NAB1: variants seen among roughly 807,000 people sequenced by gnomAD.
NAB1 encodes NGFI-A-binding protein 1.
In NAB1, 25 loss-of-function variants were observed where a neutral mutation model predicts 49.9. The ratio of observed to expected loss-of-function variants is 0.50; its 90% CI spans 0.37 to 0.70. The LOEUF (loss-of-function observed/expected upper bound fraction) is 0.70, where lower values mean the gene tolerates loss of function less well. Among genes scored for constraint, NAB1 ranks in the 30% least tolerant of loss-of-function variants. NAB1 has a pLI of 0.00. For synonymous variants in NAB1, 198 were observed against 215.6 expected, an observed-to-expected ratio of 0.92 and a Z score of 0.71; for missense variants, 489 against 575.9, an observed-to-expected ratio of 0.85 and a Z score of 1.54.
chr2:190,670,265 C>T lies in NAB1; in HGVS notation c.820-61C>T. ...AACATTCTTATATTTTAAGTGAAAC[C>T]TTTTGCATTTTGATGAAATTAAAAT... On this transcript the variant is annotated intron_variant, in intron 4 of 9. Transcript: ENST00000337386. The surrounding 1 kb of genome is among the most constrained non-coding windows in gnomAD (Gnocchi z 5.3). The T allele has an allele frequency of 2.0e-6, 3 of 1,468,780 alleles. No homozygotes were observed. The highest frequency in any genetic ancestry group is 1.3e-5 in the South Asian group (1 of 78,386). The allele number at this position is 1,468,780 out of a possible 1,614,324, so 91.0% of individuals were successfully genotyped here. A position where few individuals can be genotyped will look rare whatever the true frequency, so the allele number is the denominator to read the frequency against.
Position 190,659,408 on chromosome 2 carries a change from A to G in NAB1, c.232A>G (p.Asn78Asp), listed in dbSNP as rs750043668. 6.2e-7 allele frequency: 1 copy of G among 1,614,148 alleles called. No homozygotes were observed. The highest frequency in any genetic ancestry group is 2.2e-5 in the East Asian group (1 of 44,874). The part of the protein sequence containing the change: ...LQKALRDWVT[N>D]PGLFNQPLTS... ...GAAGGCTTTGAGAGACTGGGTCACAAACCCTGGGCTTTTCAATCAGCCACT... is the reference window on the plus strand; with the variant it reads ...GAAGGCTTTGAGAGACTGGGTCACAGACCCTGGGCTTTTCAATCAGCCACT... The change falls in exon 4 of 10, where the codon AAC becomes GAC. Residue 78 changes from asparagine (N) to aspartate (D), a missense_variant. By Grantham distance (23) the Asn-to-Asp change is conservative. Around this residue, in one of 4 missense-constraint regions of NAB1, gnomAD observed 204 missense variants for 220.9 expected, o/e 0.92. Transcript: ENST00000337386. This position sits in a 1 kb window ranked among gnomAD's most constrained non-coding sequence, Gnocchi z 6.2.
chr2:190,688,655 G>A (rs962517219), intron 9 of NAB1, among the ~76,000 whole-genome samples: 2 of 152,108 alleles, frequency 1.3e-5, no homozygotes, highest in African/African-American at 2.4e-5. Context: ...TCATCATGGG[G>A]CATATTTACA....
rs1694744030 is a variant in NAB1 at position 190,670,416 on chromosome 2, A to T, written c.910A>T (p.Ile304Phe). ...RDELFALARQ[I>F]SREVTYKYTY... Reference sequence around the variant, plus strand: ...TGAGCTTTTTGCCTTGGCTCGACAGATTTCTCGAGAAGTCACCTATAAATA... The same window carrying T: ...TGAGCTTTTTGCCTTGGCTCGACAGTTTTCTCGAGAAGTCACCTATAAATA... The change falls in exon 5 of 10, where the codon ATT becomes TTT. Residue 304 changes from isoleucine (I) to phenylalanine (F), a missense_variant. This residue lies in a region of NAB1 where 38 missense variants were observed against 70.1 expected (regional missense o/e 0.54). Coordinates refer to ENST00000337386, the MANE Select transcript of NAB1 (RefSeq NM_005966.4). The surrounding 1 kb of genome is among the most constrained non-coding windows in gnomAD (Gnocchi z 5.3). The T allele has an allele frequency of 6.2e-7, 1 of 1,613,918 alleles. No individual in the cohort carries two copies. The highest frequency in any genetic ancestry group is 1.3e-5 in the African/African-American group (1 of 74,906).
At chr2:190,661,978 G>A (rs935355523) in intron 4 of NAB1, among the ~76,000 whole-genome samples, 5 of 152,168 alleles carry the variant, frequency 3.3e-5, no homozygotes, top group Non-Finnish European at 7.3e-5. Context: ...GGTATTATGA[G>A]AATTTTGTAT....
Position 190,659,245 on chromosome 2 carries a change from A to G in NAB1, c.69A>G (p.Leu23=). The G allele has an allele frequency of 3.7e-6, 6 of 1,613,564 alleles. No individual in the cohort carries two copies. The highest frequency in any genetic ancestry group is 5.1e-6 in the Non-Finnish European group (6 of 1,179,954). Residue 23 remains leucine, a synonymous_variant, in exon 4 of 10, where the codon CTA becomes CTG. Coordinates refer to ENST00000337386, the MANE Select transcript of NAB1 (RefSeq NM_005966.4). The surrounding 1 kb of genome is among the most constrained non-coding windows in gnomAD (Gnocchi z 6.2). ...ATAGAATATTACAAAAAGCCAATCTACTTTCTTATTTTGATGCCTTTATCC... is the reference window on the plus strand; with the variant it reads ...ATAGAATATTACAAAAAGCCAATCTGCTTTCTTATTTTGATGCCTTTATCC... ...QLYRILQKAN[L]LSYFDAFIQQ...
Position 190,676,118 on chromosome 2 carries a change from G to C in NAB1, c.1005+2966G>C, listed in dbSNP as rs531319331. On this transcript the variant is annotated intron_variant, in intron 6 of 9. Transcript: ENST00000337386. The surrounding 1 kb of genome is among the most constrained non-coding windows in gnomAD (Gnocchi z 4.6). ...GGGAGAGGGAGAATTTCTGGTATGA[G>C]AAGAGATCAGGGGAGACTATTGGGA... Among the ~76,000 whole-genome samples the C allele has an allele frequency of 3.9e-5, 6 of 152,236 alleles. No homozygotes were observed. In the South Asian group the frequency reaches 1.2e-3, roughly 32 times the overall value.
Position 190,665,215 on chromosome 2 carries a change from C to T in NAB1, c.820-5111C>T, listed in dbSNP as rs1024928417. Among the ~76,000 whole-genome samples the T allele has an allele frequency of 2.0e-5, 3 of 151,624 alleles. 1 individual carries two copies. The highest frequency in any genetic ancestry group is 6.6e-5 in the Admixed American group (1 of 15,226). On this transcript the variant is annotated intron_variant, in intron 4 of 9. Transcript: ENST00000337386. ...GCGGGCACCTGTAGTCCTAGCTACT[C>T]GGGAGGCTGAGGCAGGAGAATGGCG...
chr2:190,652,145 T>A lies in NAB1; in HGVS notation c.-197+2163T>A, dbSNP rs1693700784. Among the ~76,000 whole-genome samples the A allele has an allele frequency of 6.6e-6, 1 of 152,212 alleles. No individual in the cohort carries two copies. The highest frequency in any genetic ancestry group is 1.5e-5 in the Non-Finnish European group (1 of 68,046). On this transcript the variant is annotated intron_variant, in intron 2 of 9. Coordinates refer to ENST00000337386, the MANE Select transcript of NAB1 (RefSeq NM_005966.4). This position sits in a 1 kb window ranked among gnomAD's most constrained non-coding sequence, Gnocchi z 4.2. ...TTGACAAGTTGATGCTTGGAAAAAA[T>A]AGTAATCCTCATCTTGTGAGAATTC... is the stretch of plus-strand genomic sequence containing the variant.
chr2:190,659,867 ATGAT>A lies in NAB1; in HGVS notation c.694_697del (p.Ile232ValfsTer6). The stretch of plus-strand genomic sequence containing the variant: ...AAAAACCAACAAGAAGTTGGCCAAA[ATGAT>A]TGGTCACATCTTTGAGATGAACGAT... On this transcript the variant is annotated frameshift_variant, in exon 4 of 10. Coordinates refer to ENST00000337386, the MANE Select transcript of NAB1 (RefSeq NM_005966.4). LOFTEE classifies it high-confidence loss of function. The surrounding 1 kb of genome is among the most constrained non-coding windows in gnomAD (Gnocchi z 6.2). The A allele has an allele frequency of 6.2e-7, 1 of 1,614,228 alleles. No individual in the cohort carries two copies.
intron 2 of NAB1, among the ~76,000 whole-genome samples, chr2:190,650,943 C>T (rs1559220346): frequency 6.6e-6 from 1 of 152,116 alleles, no homozygotes; most frequent in African/African-American, 2.4e-5. Flanking sequence ...CAAGGAACTT[C>T]TGGAAGAAGC....
At position 190,667,285 on chromosome 2, in the gene NAB1, A is replaced by G. The variant is rs1198824402; in HGVS notation, c.820-3041A>G. ...GAAAAGTTATTTTCTGTGTTTGTGC[A>G]TAAGCTAGTACCTCTGAAATGTTGT... On this transcript the variant is annotated intron_variant, in intron 4 of 9. Coordinates refer to ENST00000337386, the MANE Select transcript of NAB1 (RefSeq NM_005966.4). This position sits in a 1 kb window ranked among gnomAD's most constrained non-coding sequence, Gnocchi z 4.4. Among the ~76,000 whole-genome samples, 1 of 152,224 alleles carries G rather than the reference A, an allele frequency of 6.6e-6. No individual in the cohort carries two copies. The highest frequency in any genetic ancestry group is 1.5e-5 in the Non-Finnish European group (1 of 68,042).
In NAB1 at chr2:190,676,785, C is replaced by T. The variant is rs75003780; in HGVS notation, c.1005+3633C>T. ...AATTACAAGGCCCAAACTAATGAGACAAGTTTTTCTCTTTTTTCAAATCTT... is the reference window on the plus strand; with the variant it reads ...AATTACAAGGCCCAAACTAATGAGATAAGTTTTTCTCTTTTTTCAAATCTT... On this transcript the variant is annotated intron_variant, in intron 6 of 9. Coordinates refer to ENST00000337386, the MANE Select transcript of NAB1 (RefSeq NM_005966.4). This position sits in a 1 kb window ranked among gnomAD's most constrained non-coding sequence, Gnocchi z 4.6. Among the ~76,000 whole-genome samples the T allele has an allele frequency of 0.1, 15,964 of 152,198 alleles. 1,534 individuals carry two copies. The highest frequency in any genetic ancestry group is 0.25 in the African/African-American group (10,262 of 41,466).
rs1470851343 is a variant in NAB1 at position 190,669,767 on chromosome 2, GGTAGAATTA to G, written c.820-557_820-549del. ...AATAATTACTGAATTATGAAAGGGT[GGTAGAATTA>G]GATGGATCTTAGAGATTAGTCCAAC... is the stretch of plus-strand genomic sequence containing the variant. On this transcript the variant is annotated intron_variant, in intron 4 of 9. Coordinates refer to ENST00000337386, the MANE Select transcript of NAB1 (RefSeq NM_005966.4). The surrounding 1 kb of genome is among the most constrained non-coding windows in gnomAD (Gnocchi z 4.3). Among the ~76,000 whole-genome samples, 1 of 152,156 alleles carries G rather than the reference GGTAGAATTA, an allele frequency of 6.6e-6. No individual in the cohort carries two copies. Among genetic ancestry groups the G allele is most frequent in the Non-Finnish European group, 1.5e-5 (1 of 68,024 alleles).
chr2:190,652,457 A>G lies in NAB1; in HGVS notation c.-197+2475A>G, dbSNP rs1693716965. 1.3e-5 allele frequency among the ~76,000 whole-genome samples: 2 copies of G among 152,218 alleles called. No individual in the cohort carries two copies. Among genetic ancestry groups the G allele is most frequent in the Admixed American group, 1.3e-4 (2 of 15,286 alleles). On this transcript the variant is annotated intron_variant, in intron 2 of 9. Coordinates refer to ENST00000337386, the MANE Select transcript of NAB1 (RefSeq NM_005966.4). The surrounding 1 kb of genome is among the most constrained non-coding windows in gnomAD (Gnocchi z 4.2). The stretch of plus-strand genomic sequence containing the variant: ...ACTATAGTTAAATGAATAAATACAT[A>G]GTTATCATTTAGCAAAATCTGGTTT...
chr2:190,690,496 A>G lies in NAB1; in HGVS notation c.*163A>G. The G allele has an allele frequency of 1.8e-6, 1 of 547,320 alleles. No homozygotes were observed. Among genetic ancestry groups the G allele is most frequent in the Non-Finnish European group, 3.3e-6 (1 of 307,186 alleles). The allele number at this position is 547,320 out of a possible 1,614,324, so 33.9% of individuals were successfully genotyped here. On this transcript the variant is annotated 3_prime_UTR_variant, in exon 10 of 10. Transcript: ENST00000337386. ...GGTAGTCTGTGGAAACCAGGAAGATAAAACAACAGCCACAAAAGAGAAAAT... is the reference window on the plus strand; with the variant it reads ...GGTAGTCTGTGGAAACCAGGAAGATGAAACAACAGCCACAAAAGAGAAAAT...
rs946014660 is a variant in NAB1 at position 190,687,069 on chromosome 2, C to A, written c.1259-132C>A. ...ATTATTTAAAATGTTTTTTCCAAGT[C>A]TTATTTAAATTCTTCAGTGCTCGTT... On this transcript the variant is annotated intron_variant, in intron 8 of 9. Coordinates refer to ENST00000337386, the MANE Select transcript of NAB1 (RefSeq NM_005966.4). The A allele has an allele frequency of 9.0e-6, 4 of 443,686 alleles. No homozygotes were observed. The Admixed American group carries it at 1.8e-4, about 20-fold the overall frequency. The allele number at this position is 443,686 out of a possible 1,614,324, so 27.5% of individuals were successfully genotyped here.
rs985884280 is a variant in NAB1 at position 190,667,791 on chromosome 2, GA to G, written c.820-2531del. On this transcript the variant is annotated intron_variant, in intron 4 of 9. Coordinates refer to ENST00000337386, the MANE Select transcript of NAB1 (RefSeq NM_005966.4). This position sits in a 1 kb window ranked among gnomAD's most constrained non-coding sequence, Gnocchi z 4.4. ...CTAGATGGTTTAAATACTTAGGTGGGAAAAGTAAAACGATTAGACTAAATTA... is the reference window on the plus strand; with the variant it reads ...CTAGATGGTTTAAATACTTAGGTGGGAAAGTAAAACGATTAGACTAAATTA... 3.9e-5 allele frequency among the ~76,000 whole-genome samples: 6 copies of G among 152,056 alleles called. No homozygotes were observed. The highest frequency in any genetic ancestry group is 1.4e-4 in the African/African-American group (6 of 41,476).
rs1694735357 is a variant in NAB1 at position 190,670,251 on chromosome 2, A to G, written c.820-75A>G. On this transcript the variant is annotated intron_variant, in intron 4 of 9. Transcript: ENST00000337386. The surrounding 1 kb of genome is among the most constrained non-coding windows in gnomAD (Gnocchi z 5.3). ...TTATATAATGGTGTAACATTCTTAT[A>G]TTTTAAGTGAAACCTTTTGCATTTT... The G allele has an allele frequency of 7.3e-7, 1 of 1,361,544 alleles. No individual in the cohort carries two copies. Among genetic ancestry groups the G allele is most frequent in the Non-Finnish European group, 1.0e-6 (1 of 986,778 alleles). 84.3% of individuals were successfully genotyped at this position (1,361,544 alleles called of 1,614,324 possible). A position where few individuals can be genotyped will look rare whatever the true frequency, so the allele number is the denominator to read the frequency against.
intron 2 of NAB1, among the ~76,000 whole-genome samples, chr2:190,650,633 A>G (rs1178585779): frequency 6.6e-6 from 1 of 152,042 alleles, no homozygotes; most frequent in Non-Finnish European, 1.5e-5. Flanking sequence ...GATGCATAGG[A>G]TTTGCTTTTT....
Sources: allele counts gnomAD v4.1 joint callset (sites outside exome capture counted in the v4.1 genomes callset), GRCh38; gene constraint gnomAD v4.1.1; regional missense constraint gnomAD v4.1.1; non-coding constraint Gnocchi (gnomAD v3.1); transcripts MANE v1.5; gene names NCBI Gene and HGNC (gene_info 2026-07-23, HGNC 2026-07-21).